The following CNTN5 variants were observed in gnomAD, a reference collection of about 807,000 sequenced individuals.
The protein encoded by CNTN5 is contactin 5.
A neutral mutation model predicts 129.1 loss-of-function variants in CNTN5; 77 were observed. That is an observed-to-expected ratio of 0.60 (90% CI 0.50 to 0.72). The LOEUF is 0.72. Among genes scored for constraint, CNTN5 ranks in the 30% least tolerant of loss-of-function variants. The probability of loss-of-function intolerance (pLI) is 0.00; values close to 1 mark genes in which losing one functional copy is unlikely to be tolerated. For missense variants in CNTN5, 1,478 were observed against 1,328.8 expected, an observed-to-expected ratio of 1.11 and a Z score of -1.75; for synonymous variants, 509 against 465.6, an observed-to-expected ratio of 1.09 and a Z score of -1.20.
At chr11:99,802,530 T>C (rs952289524) in intron 3 of CNTN5, among the ~76,000 whole-genome samples, 3 of 152,178 alleles carry the variant, frequency 2.0e-5, no homozygotes, top group African/African-American at 4.8e-5. Context: ...ACCTTCTCAG[T>C]TCCATGTTCT....
chr11:100,291,787 A>T (rs1950983299), intron 18 of CNTN5, among the ~76,000 whole-genome samples: 1 of 52,328 alleles, frequency 1.9e-5, no homozygotes, highest in South Asian at 7.4e-4. Context: ...ATAAATAAAT[A>T]AAAAATATAA....
Position 99,360,015 on chromosome 11 carries a change from C to T in CNTN5, c.-71+34531C>T, listed in dbSNP as rs143654199. Among the ~76,000 whole-genome samples, 975 of 152,124 alleles carry T rather than the reference C, an allele frequency of 6.4e-3. 12 individuals carry two copies. Among genetic ancestry groups the T allele is most frequent in the African/African-American group, 0.023 (939 of 41,488 alleles). Reference sequence around the variant, plus strand: ...CTGTGTCAAAATATCTCATATACCCCATAAATACATATACCCACTACATAC... The same window carrying T: ...CTGTGTCAAAATATCTCATATACCCTATAAATACATATACCCACTACATAC... On this transcript the variant is annotated intron_variant, in intron 2 of 24. Transcript: ENST00000524871.
intron 1 of CNTN5, among the ~76,000 whole-genome samples, chr11:99,130,217 A>C (rs1244137833): frequency 6.6e-6 from 1 of 152,192 alleles, no homozygotes; most frequent in African/African-American, 2.4e-5. Flanking sequence ...TTCAAGAGAC[A>C]CATCTCATGT....
intron 6 of CNTN5, among the ~76,000 whole-genome samples, chr11:99,846,357 C>CAAAAAAAA: frequency 1.6e-5 from 1 of 61,396 alleles, no homozygotes; most frequent in Non-Finnish European, 2.9e-5. Flanking sequence ...GGATCTGTCT[C>CAAAAAAAA]AAAAAAAAAA....
chr11:100,024,936 C>T (rs1487696668), intron 9 of CNTN5, among the ~76,000 whole-genome samples: 3 of 152,056 alleles, frequency 2.0e-5, no homozygotes, highest in Admixed American at 6.6e-5. Flanking sequence ...CCTGACAATG[C>T]GATAGAAAAG....
intron 2 of CNTN5, among the ~76,000 whole-genome samples, chr11:99,458,433 A>C (rs1944571237): frequency 6.6e-6 from 1 of 151,974 alleles, no homozygotes; most frequent in African/African-American, 2.4e-5. Context: ...AAAAAGACTC[A>C]AGATGTTGAG....
rs777968607 is a variant in CNTN5, at chr11:100,271,285, T to A, written c.2314+44T>A. ...CAGATTGGATTTGGTATGCTTCTAATCGTCTTGAAAGTGAGTTGAATTAAC... is the reference window on the plus strand; with the variant it reads ...CAGATTGGATTTGGTATGCTTCTAAACGTCTTGAAAGTGAGTTGAATTAAC... On this transcript the variant is annotated intron_variant, in intron 18 of 24. Coordinates refer to ENST00000524871, the MANE Select transcript of CNTN5 (RefSeq NM_014361.4). 1.9e-5 allele frequency: 28 copies of A among 1,474,062 alleles called. No individual in the cohort carries two copies. In the Admixed American group the frequency reaches 4.0e-4, roughly 21 times the overall value. 91.3% of individuals were successfully genotyped at this position (1,474,062 alleles called of 1,614,324 possible). A position where few individuals can be genotyped will look rare whatever the true frequency, so the allele number is the denominator to read the frequency against.
At chr11:99,392,596 C>T (rs4635044) in intron 2 of CNTN5, among the ~76,000 whole-genome samples, 4 of 151,648 alleles carry the variant, frequency 2.6e-5, no homozygotes, top group Admixed American at 6.6e-5. Flanking sequence ...ATCAGGTCCC[C>T]AAGACATCGA....
At chr11:99,393,808 A>G (rs564975993) in intron 2 of CNTN5, among the ~76,000 whole-genome samples, 3 of 151,788 alleles carry the variant, frequency 2.0e-5, no homozygotes, top group East Asian at 1.9e-4. Flanking sequence ...AAACAAAACA[A>G]TGTGGGAAAA....
intron 1 of CNTN5, among the ~76,000 whole-genome samples, chr11:99,244,343 A>G (rs1379189613): frequency 1.3e-5 from 2 of 152,284 alleles, no homozygotes; most frequent in East Asian, 3.9e-4. Flanking sequence ...TATCAGTTCC[A>G]GGAGACTTTT....
chr11:99,029,356 TAATA>T (rs899044679), intron 1 of CNTN5, among the ~76,000 whole-genome samples: 9 of 152,076 alleles, frequency 5.9e-5, no homozygotes, highest in African/African-American at 1.7e-4. Context: ...TGTATACTTC[TAATA>T]AATCTGGTAT....
chr11:99,668,456 T>A (rs527689608), intron 3 of CNTN5, among the ~76,000 whole-genome samples: 1 of 152,170 alleles, frequency 6.6e-6, no homozygotes, highest in East Asian at 1.9e-4. Context: ...GGAACGGTAA[T>A]CTTTGTGAAC....
intron 1 of CNTN5, among the ~76,000 whole-genome samples, chr11:99,055,102 G>T (rs753617673): frequency 2.0e-5 from 3 of 151,826 alleles, no homozygotes; most frequent in Non-Finnish European, 4.4e-5. Flanking sequence ...TTCCATTTAC[G>T]TGATGCTAAT....
chr11:99,622,382 G>A (rs1413535990), intron 3 of CNTN5, among the ~76,000 whole-genome samples: 1 of 152,108 alleles, frequency 6.6e-6, no homozygotes, highest in Non-Finnish European at 1.5e-5. Context: ...TCCTGAATTT[G>A]TAATGGAAAC....
chr11:100,193,410 C>T (rs1029440513), intron 14 of CNTN5, 78 bp from the exon 15 acceptor site: 2 of 944,098 alleles, frequency 2.1e-6, no homozygotes, highest in African/African-American at 1.7e-5. Flanking sequence ...CTTCTTTTCT[C>T]AATTATTTCA....
At chr11:99,046,483 A>G (rs1050585312) in intron 1 of CNTN5, among the ~76,000 whole-genome samples, 1 of 152,196 alleles carries the variant, frequency 6.6e-6, no homozygotes, top group Non-Finnish European at 1.5e-5. Context: ...CTTGAAAAAT[A>G]TATAGTATTT....
intron 2 of CNTN5, among the ~76,000 whole-genome samples, chr11:99,542,396 A>T (rs533246082): frequency 6.6e-5 from 10 of 152,208 alleles, no homozygotes; most frequent in Non-Finnish European, 1.2e-4. Flanking sequence ...TAAAAATTCC[A>T]CATATGAATG....
intron 1 of CNTN5, among the ~76,000 whole-genome samples, chr11:99,170,355 T>C (rs1192038497): frequency 6.6e-6 from 1 of 152,116 alleles, no homozygotes; most frequent in Non-Finnish European, 1.5e-5. Context: ...CCAAGGAAGG[T>C]TGAAAACCAG....
At chr11:99,840,684 G>C (rs1947459094) in intron 4 of CNTN5, among the ~76,000 whole-genome samples, 1 of 152,084 alleles carries the variant, frequency 6.6e-6, no homozygotes, top group South Asian at 2.1e-4. Context: ...AACATTGTGT[G>C]TGATGACATC....
Sources: gnomAD v4.1 joint callset for allele counts (sites outside exome capture counted in the v4.1 genomes callset) on GRCh38, gnomAD v4.1.1 for gene constraint, MANE v1.5 for transcripts, NCBI Gene and HGNC (gene_info 2026-07-23, HGNC 2026-07-21) for gene names.